The following CLEC6A variants were observed in gnomAD, a reference collection of about 807,000 sequenced individuals.
CLEC6A encodes the protein C-type lectin domain family 6 member A.
In CLEC6A, 22 loss-of-function variants were observed where a neutral mutation model predicts 25.7. That is an observed-to-expected ratio of 0.85 (90% CI 0.61 to 1.22). The LOEUF (loss-of-function observed/expected upper bound fraction) is 1.22. CLEC6A is among the 50% of genes most tolerant of loss of function. CLEC6A has a pLI of 0.00. For missense variants in CLEC6A, 240 were observed against 236.8 expected (o/e 1.01, Z -0.09); for synonymous variants, 92 against 76.7 (o/e 1.20, Z -1.04).
At chr12:8,476,055 A>T (rs1365307652) in intron 4 of CLEC6A, 70 bp from the exon 5 acceptor site, 1 of 954,400 alleles carries the variant, frequency 1.0e-6, no homozygotes, top group East Asian at 2.5e-5. Flanking sequence ...TCTGAAGGCT[A>T]TAAGCAACCT....
intron 4 of CLEC6A, among the ~76,000 whole-genome samples, chr12:8,467,510 G>A (rs1169363947): frequency 7.4e-6 from 1 of 135,016 alleles, no homozygotes; most frequent in Non-Finnish European, 1.6e-5. Context: ...ATATGTGAGT[G>A]TTTATTTCTG....
At chr12:8,466,350 G>A (rs1481523689) in intron 4 of CLEC6A, among the ~76,000 whole-genome samples, 1 of 152,166 alleles carries the variant, frequency 6.6e-6, no homozygotes, top group East Asian at 1.9e-4. Context: ...ATGAATGTGG[G>A]TGGGCAAATA....
intron 4 of CLEC6A, among the ~76,000 whole-genome samples, chr12:8,470,754 T>C (rs1249735597): frequency 1.4e-4 from 21 of 151,936 alleles, no homozygotes; most frequent in Admixed American, 1.4e-3. Flanking sequence ...GGGGAAAGTG[T>C]GAGAAATGGG....
At chr12:8,456,935 T>A (rs1486396850) in intron 1 of CLEC6A, among the ~76,000 whole-genome samples, 2 of 151,826 alleles carry the variant, frequency 1.3e-5, no homozygotes, top group Non-Finnish European at 2.9e-5. Context: ...CATGGTGAAA[T>A]CCCGTCTCTA....
In CLEC6A at chr12:8,477,301, C is replaced by T. The variant is rs1161979404; in HGVS notation, c.486-19C>T. 4.4e-6 allele frequency: 7 copies of T among 1,597,994 alleles called. No individual in the cohort carries two copies. Among genetic ancestry groups the T allele is most frequent in the East Asian group, 2.2e-5 (1 of 44,566 alleles). On this transcript the variant is annotated intron_variant, in intron 5 of 5. Transcript: ENST00000382073. ...ATGCATTCTTTGAAGATGTGTACTA[C>T]CTTTTTGTTTTCCTTTAGATTTTGG...
chr12:8,457,213 T>C (rs1402983730), intron 1 of CLEC6A, among the ~76,000 whole-genome samples: 1 of 152,200 alleles, frequency 6.6e-6, no homozygotes, highest in Admixed American at 6.5e-5. Context: ...ACAACCCTTC[T>C]CTATCTTCTC....
chr12:8,457,852 C>A (rs1939697697), intron 1 of CLEC6A, 46 bp from the exon 2 acceptor site: 1 of 1,444,576 alleles, frequency 6.9e-7, no homozygotes, highest in Admixed American at 1.7e-5. Flanking sequence ...GATTTTGGCT[C>A]CCTGGCCCCC....
intron 3 of CLEC6A, among the ~76,000 whole-genome samples, chr12:8,464,366 G>T (rs1939802476): frequency 6.8e-6 from 1 of 146,956 alleles, no homozygotes. Flanking sequence ...GTCTCTCTCT[G>T]TCGCCCAGGC....
rs773611047 is a variant in CLEC6A, at chr12:8,477,403, A to G, written c.569A>G (p.Asn190Ser). 1.6e-5 allele frequency: 26 copies of G among 1,611,958 alleles called. No individual in the cohort carries two copies. The East Asian group carries it at 4.9e-4, about 30-fold the overall frequency. The change falls in exon 6 of 6, where the codon AAT (asparagine) becomes AGT (serine). Residue 190 changes from asparagine to serine, a missense_variant. Coordinates refer to ENST00000382073, the MANE Select transcript of CLEC6A (RefSeq NM_001007033.2). The part of the protein sequence containing the change: ...VFWKPTGWGW[N>S]DVICETRRNS... The stretch of plus-strand genomic sequence containing the variant: ...TGGAAACCTACAGGATGGGGCTGGA[A>G]TGATGTTATCTGTGAAACTAGAAGG...
rs1467111713 is a variant in CLEC6A at position 8,473,184 on chromosome 12, C to T, written c.370-2941C>T. 5.0e-5 allele frequency among the ~76,000 whole-genome samples: 2 copies of T among 39,678 alleles called. 1 individual carries two copies. The highest frequency in any genetic ancestry group is 3.4e-3 in the South Asian group (2 of 586). 26.0% of individuals were successfully genotyped at this position (39,678 alleles called of 152,430 possible). A position where few individuals can be genotyped will look rare whatever the true frequency, so the allele number is the denominator to read the frequency against. On this transcript the variant is annotated intron_variant, in intron 4 of 5. Coordinates refer to ENST00000382073, the MANE Select transcript of CLEC6A (RefSeq NM_001007033.2). ...CTAATTTTTGTATTTTTAGTAGAGA[C>T]GGGGTTTCACCGTGTTAGCCAGGAT...
At chr12:8,471,846 A>C (rs184486838) in intron 4 of CLEC6A, among the ~76,000 whole-genome samples, 3 of 152,084 alleles carry the variant, frequency 2.0e-5, no homozygotes, top group Non-Finnish European at 4.4e-5. Context: ...TGAATGTATC[A>C]TAACAGTCCC....
chr12:8,472,067 T>A (rs922105482), intron 4 of CLEC6A, among the ~76,000 whole-genome samples: 2 of 152,146 alleles, frequency 1.3e-5, no homozygotes, highest in Non-Finnish European at 2.9e-5. Flanking sequence ...TGTTTACATT[T>A]AGGCATCAAA....
rs1313868901 is a variant in CLEC6A, at chr12:8,457,891, T to C, written c.32-7T>C. 6.2e-7 allele frequency: 1 copy of C among 1,611,718 alleles called. No homozygotes were observed. The highest frequency in any genetic ancestry group is 8.5e-7 in the Non-Finnish European group (1 of 1,177,856). ...TAACTGCATTTGTTGTCTTCCTGATTGGACAGAGAAAAGAGGCTGGTTGTC... is the reference window on the plus strand; with the variant it reads ...TAACTGCATTTGTTGTCTTCCTGATCGGACAGAGAAAAGAGGCTGGTTGTC... On this transcript the variant is annotated splice_polypyrimidine_tract_variant and splice_region_variant and intron_variant, in intron 1 of 5. Coordinates refer to ENST00000382073, the MANE Select transcript of CLEC6A (RefSeq NM_001007033.2).
chr12:8,471,240 CTGT>C (rs1939902477), intron 4 of CLEC6A, among the ~76,000 whole-genome samples: 1 of 152,000 alleles, frequency 6.6e-6, no homozygotes, highest in Admixed American at 6.6e-5. Flanking sequence ...ACACATTAGT[CTGT>C]TGTTTTTTCA....
At chr12:8,462,969 G>T (rs1052174026) in intron 3 of CLEC6A, among the ~76,000 whole-genome samples, 1 of 151,964 alleles carries the variant, frequency 6.6e-6, no homozygotes, top group Admixed American at 6.6e-5. Flanking sequence ...TGTAAATATT[G>T]ACTTTAAAAA....
intron 1 of CLEC6A, among the ~76,000 whole-genome samples, chr12:8,456,661 A>G (rs571931140): frequency 2.2e-4 from 34 of 152,326 alleles, no homozygotes; most frequent in African/African-American, 7.5e-4. Flanking sequence ...ATAGTTGTGC[A>G]TGTTTATGGG....
intron 4 of CLEC6A, among the ~76,000 whole-genome samples, chr12:8,475,214 A>G (rs962499456): frequency 5.3e-5 from 8 of 152,124 alleles, no homozygotes; most frequent in African/African-American, 1.7e-4. Context: ...TACTCAGGGG[A>G]GTAGAGAAAC....
At position 8,473,216 on chromosome 12, in the gene CLEC6A, G is replaced by A. The variant is rs1316105292; in HGVS notation, c.370-2909G>A. Reference sequence around the variant, plus strand: ...TCACCGTGTTAGCCAGGATGGTCTCGATCTCCTGACCTCGTGATCCGCCCG... The same window carrying A: ...TCACCGTGTTAGCCAGGATGGTCTCAATCTCCTGACCTCGTGATCCGCCCG... On this transcript the variant is annotated intron_variant, in intron 4 of 5. Transcript: ENST00000382073. Among the ~76,000 whole-genome samples the A allele has an allele frequency of 3.2e-4, 3 of 9,500 alleles. 1 individual carries two copies. Among genetic ancestry groups the A allele is most frequent in the African/African-American group, 6.4e-4 (3 of 4,682 alleles). 6.2% of individuals were successfully genotyped at this position (9,500 alleles called of 152,430 possible).
At chr12:8,464,352 C>A (rs1460491321) in intron 3 of CLEC6A, among the ~76,000 whole-genome samples, 1 of 145,282 alleles carries the variant, frequency 6.9e-6, no homozygotes, top group Non-Finnish European at 1.5e-5. Context: ...TTTTTTGAGA[C>A]GGAGTCTCTC....
Sources: gnomAD v4.1 joint callset for allele counts (sites outside exome capture counted in the v4.1 genomes callset) on GRCh38, gnomAD v4.1.1 for gene constraint, MANE v1.5 for transcripts, NCBI Gene and HGNC (gene_info 2026-07-23, HGNC 2026-07-21) for gene names.